The following SYT2 variants were observed in gnomAD, a reference collection of about 807,000 sequenced individuals.
SYT2 encodes synaptotagmin 2.
Under a neutral mutation model 39.9 loss-of-function variants are expected in SYT2, and 15 were observed. The observed-to-expected ratio is 0.38, with a 90% CI of 0.25 to 0.58. The LOEUF is 0.58. SYT2 is among the 20% of genes least tolerant of loss of function. The pLI, the probability that SYT2 is intolerant of heterozygous loss-of-function variation, is 0.70. For synonymous variants in SYT2, 181 were observed against 204.5 expected, an observed-to-expected ratio of 0.89 and a Z score of 0.98; for missense variants, 389 against 530.3, an observed-to-expected ratio of 0.73 and a Z score of 2.62.
intron 1 of SYT2, among the ~76,000 whole-genome samples, chr1:202,705,176 T>C (rs1403843720): frequency 6.6e-6 from 1 of 152,268 alleles, no homozygotes; most frequent in East Asian, 1.9e-4. Context: ...GCAAAGTGCC[T>C]ATGATCTGGG....
rs56180154 is a variant in SYT2, at chr1:202,608,283, ATT to A, written c.-17-2496_-17-2495del. On this transcript the variant is annotated intron_variant, in intron 1 of 8. Transcript: ENST00000367268. ...GTATTCCATTGTGTAGATAGAAAACATTTTTTTTTTTTTTTGAGACAGGGTCT... is the reference window on the plus strand; with the variant it reads ...GTATTCCATTGTGTAGATAGAAAACATTTTTTTTTTTTTGAGACAGGGTCT... 5.1e-3 allele frequency among the ~76,000 whole-genome samples: 716 copies of A among 141,358 alleles called. 6 individuals are homozygous for A. The highest frequency in any genetic ancestry group is 0.018 in the African/African-American group (682 of 38,248). 92.7% of individuals were successfully genotyped at this position (141,358 alleles called of 152,430 possible).
chr1:202,634,452 CA>C (rs1222716682), intron 1 of SYT2, among the ~76,000 whole-genome samples: 1 of 151,716 alleles, frequency 6.6e-6, no homozygotes, highest in African/African-American at 2.4e-5. Context: ...GAGATTGTGC[CA>C]TTGCACTCCA....
chr1:202,625,818 C>A (rs999666709), intron 1 of SYT2, among the ~76,000 whole-genome samples: 24 of 151,984 alleles, frequency 1.6e-4, no homozygotes, highest in Admixed American at 1.4e-3. Flanking sequence ...AACATCAGCA[C>A]TGTGGCATCT....
intron 1 of SYT2, among the ~76,000 whole-genome samples, chr1:202,694,175 T>C (rs747563349): frequency 7.9e-5 from 12 of 152,210 alleles, no homozygotes; most frequent in Non-Finnish European, 1.3e-4. Flanking sequence ...ATCCAAGCCA[T>C]ATCAGAGTTT....
chr1:202,627,878 G>A (rs1691464396), intron 1 of SYT2, among the ~76,000 whole-genome samples: 2 of 152,142 alleles, frequency 1.3e-5, no homozygotes, highest in Admixed American at 1.3e-4. Flanking sequence ...CCTTTGGGAG[G>A]TGCAGCAGAT....
chr1:202,703,423 G>A (rs975102044), intron 1 of SYT2, among the ~76,000 whole-genome samples: 3 of 152,204 alleles, frequency 2.0e-5, no homozygotes, highest in African/African-American at 7.2e-5. Context: ...CAAGTGGGGA[G>A]GGAGAGATGA....
intron 1 of SYT2, among the ~76,000 whole-genome samples, chr1:202,677,968 A>G (rs1303981748): frequency 6.6e-6 from 1 of 152,176 alleles, no homozygotes; most frequent in Admixed American, 6.5e-5. Context: ...AACATTTGTT[A>G]TTTCTGTGAA....
rs889076906 is a variant in SYT2 at position 202,594,839 on chromosome 1, T to G, written c.*1918A>C. 1 of 152,078 alleles carries G rather than the reference T, an allele frequency of 6.6e-6. No individual in the cohort carries two copies. The highest frequency in any genetic ancestry group is 1.5e-5 in the Non-Finnish European group (1 of 68,030). The allele number at this position is 152,078 out of a possible 1,614,324, so 9.4% of individuals were successfully genotyped here. On this transcript the variant is annotated 3_prime_UTR_variant, in exon 9 of 9. Coordinates refer to ENST00000367268, the MANE Select transcript of SYT2 (RefSeq NM_177402.5). ...GGGGGTATTCCCTCATTTCCCTCAC[T>G]CCTTCATCCAAAAAACAAAGCAAAA...
At chr1:202,625,553 CT>C (rs1210442879) in intron 1 of SYT2, among the ~76,000 whole-genome samples, 1 of 151,910 alleles carries the variant, frequency 6.6e-6, no homozygotes, top group Non-Finnish European at 1.5e-5. Context: ...CCGCGGCCTC[CT>C]CCCCAGCCCA....
chr1:202,653,084 C>T (rs536512573), intron 1 of SYT2, among the ~76,000 whole-genome samples: 8 of 151,908 alleles, frequency 5.3e-5, no homozygotes, highest in South Asian at 4.2e-4. Flanking sequence ...TTTGCATGAG[C>T]GGCTTGACAT....
At chr1:202,699,877 T>A (rs1484476752) in intron 1 of SYT2, among the ~76,000 whole-genome samples, 1 of 152,084 alleles carries the variant, frequency 6.6e-6, no homozygotes, top group East Asian at 1.9e-4. Context: ...AGTTGATTGC[T>A]TGCCATGTAT....
chr1:202,659,087 CT>C (rs1692333476), intron 1 of SYT2, among the ~76,000 whole-genome samples: 1 of 152,132 alleles, frequency 6.6e-6, no homozygotes, highest in Admixed American at 6.5e-5. Flanking sequence ...GACAACACCC[CT>C]CCCCCTTTGG....
intron 4 of SYT2, 75 bp downstream of exon 4, chr1:202,602,924 G>A: frequency 6.4e-7 from 1 of 1,560,552 alleles, no homozygotes; most frequent in Non-Finnish European, 8.8e-7. Context: ...TGAGGGAGCT[G>A]TTTCTATCCC....
chr1:202,619,117 G>T (rs538408298), intron 1 of SYT2, among the ~76,000 whole-genome samples: 4 of 152,318 alleles, frequency 2.6e-5, no homozygotes, highest in East Asian at 1.9e-4. Context: ...CCTATGGCTG[G>T]GGAGGAATGG....
intron 1 of SYT2, among the ~76,000 whole-genome samples, chr1:202,648,436 C>G (rs12403227): frequency 0.39 from 59,336 of 151,756 alleles, 12,756 homozygotes; most frequent in East Asian, 0.74. Context: ...CCCACCTTGG[C>G]CTTTCAAAGT....
At position 202,660,627 on chromosome 1, in the gene SYT2, T is replaced by C. The variant is rs530215286; in HGVS notation, c.-18+49631A>G. ...GTGATCAGTGGACCATCTTTATTTT[T>C]TTATTTTTAAACATTTTTAATTTAA... On this transcript the variant is annotated intron_variant, in intron 1 of 8. Coordinates refer to ENST00000367268, the MANE Select transcript of SYT2 (RefSeq NM_177402.5). Among the ~76,000 whole-genome samples, 126 of 152,308 alleles carry C rather than the reference T, an allele frequency of 8.3e-4. 1 individual carries two copies. Among genetic ancestry groups the C allele is most frequent in the African/African-American group, 2.8e-3 (118 of 41,562 alleles).
chr1:202,615,005 G>A (rs539936865), intron 1 of SYT2, among the ~76,000 whole-genome samples: 50 of 152,198 alleles, frequency 3.3e-4, no homozygotes, highest in Non-Finnish European at 4.7e-4. Context: ...TTTGGCTGTC[G>A]TGAGTAAAAA....
chr1:202,638,489 GC>G (rs1691809273), intron 1 of SYT2, among the ~76,000 whole-genome samples: 1 of 152,248 alleles, frequency 6.6e-6, no homozygotes, highest in Non-Finnish European at 1.5e-5. Flanking sequence ...CTGCTCGGAG[GC>G]CTTTCTGCAA....
chr1:202,661,265 A>G (rs1225666103), intron 1 of SYT2, among the ~76,000 whole-genome samples: 1 of 151,920 alleles, frequency 6.6e-6, no homozygotes, highest in Non-Finnish European at 1.5e-5. Flanking sequence ...CCTCAGTTCC[A>G]AATCCCAAGC....
Sources: allele counts gnomAD v4.1 joint callset (sites outside exome capture counted in the v4.1 genomes callset), GRCh38; gene constraint gnomAD v4.1.1; transcripts MANE v1.5; gene names NCBI Gene and HGNC (gene_info 2026-07-23, HGNC 2026-07-21).